Variants in DDR1 observed in about 807,000 individuals in gnomAD.
DDR1 encodes the protein epithelial discoidin domain-containing receptor 1.
Under a neutral mutation model 97.4 loss-of-function variants are expected in DDR1, and 64 were observed. The ratio of observed to expected loss-of-function variants is 0.66; its 90% confidence interval spans 0.54 to 0.81. The LOEUF (loss-of-function observed/expected upper bound fraction) is 0.81. DDR1 is among the 30% of genes least tolerant of loss of function. The pLI, the probability that DDR1 is intolerant of heterozygous loss-of-function variation, is 0.00. For synonymous variants in DDR1, 458 were observed against 503.7 expected (o/e 0.91, Z 1.21); for missense variants, 990 against 1,259.6 (o/e 0.79, Z 3.24).
chr6:30,883,516 G>A (rs1581986219), upstream of DDR1: 2 of 153,482 alleles, frequency 1.3e-5, no homozygotes, highest in East Asian at 3.8e-4. The surrounding 1 kb of genome is among the most constrained non-coding windows in gnomAD (Gnocchi z 4.9). Context: ...TTTTGACTGT[G>A]TGTGATTTTC....
In DDR1 at chr6:30,897,550, C is replaced by T. The variant is rs751655723; in HGVS notation, c.2169C>T (p.Ala723=). The T allele has an allele frequency of 9.7e-5, 157 of 1,613,652 alleles. No homozygotes were observed. Among genetic ancestry groups the T allele is most frequent in the Non-Finnish European group, 1.2e-4 (146 of 1,180,006 alleles). The change falls in exon 15 of 18, where the codon GCC becomes GCT. Residue 723 remains alanine, a synonymous_variant. Transcript: ENST00000376568. The surrounding 1 kb of genome is among the most constrained non-coding windows in gnomAD (Gnocchi z 5.2). ...LSAHQLEDKA[A]EGAPGDGQAA... ...CCCACCAGCTGGAGGACAAGGCAGC[C>T]GAGGGGGCCCCTGGGGACGGGCAGG...
chr6:30,888,881 C>T lies in DDR1; in HGVS notation c.86-27C>T, dbSNP rs1786880665. Reference sequence around the variant, plus strand: ...GGAGGTAGAGAGTTGGGGGCCTTGACCTGTTACATGCCTGCTTTTTACTCA... The same window carrying T: ...GGAGGTAGAGAGTTGGGGGCCTTGATCTGTTACATGCCTGCTTTTTACTCA... On this transcript the variant is annotated intron_variant, in intron 2 of 17. Coordinates refer to ENST00000376568, the MANE Select transcript of DDR1 (RefSeq NM_001297654.2). This position sits in a 1 kb window ranked among gnomAD's most constrained non-coding sequence, Gnocchi z 4.2. 1.9e-6 allele frequency: 3 copies of T among 1,612,788 alleles called. No homozygotes were observed. The highest frequency in any genetic ancestry group is 1.7e-5 in the Admixed American group (1 of 60,004).
Position 30,898,220 on chromosome 6 carries a change from C to T in DDR1, c.2364C>T (p.Ser788=), listed in dbSNP as rs1791659290. The T allele has an allele frequency of 3.7e-6, 6 of 1,614,228 alleles. No homozygotes were observed. The highest frequency in any genetic ancestry group is 5.1e-6 in the Non-Finnish European group (6 of 1,180,046). The change falls in exon 16 of 18, where the codon AGC becomes AGT. Residue 788 remains serine (S), a synonymous_variant. Coordinates refer to ENST00000376568, the MANE Select transcript of DDR1 (RefSeq NM_001297654.2). ...FTIKIADFGM[S]RNLYAGDYYR... ...TCAAAATCGCAGACTTTGGCATGAG[C>T]CGGAACCTCTATGCTGGGGACTATT...
In DDR1 at chr6:30,897,301, G is replaced by A. The variant is rs1791233363; in HGVS notation, c.1998-78G>A. ...GGGGACGCCTGGTCTGCCTGAGGTG[G>A]GGCAGGGGGGTGGGGGCGCGGGGGA... is the stretch of plus-strand genomic sequence containing the variant. On this transcript the variant is annotated intron_variant, in intron 14 of 17. Transcript: ENST00000376568. This position sits in a 1 kb window ranked among gnomAD's most constrained non-coding sequence, Gnocchi z 5.2. 1.4e-6 allele frequency: 2 copies of A among 1,469,492 alleles called. No individual in the cohort carries two copies. The highest frequency in any genetic ancestry group is 2.0e-5 in the Admixed American group (1 of 50,484). 91.0% of individuals were successfully genotyped at this position (1,469,492 alleles called of 1,614,324 possible).
chr6:30,890,821 C>A lies in DDR1; in HGVS notation c.418-152C>A. The A allele has an allele frequency of 1.4e-6, 1 of 691,646 alleles. No individual in the cohort carries two copies. The highest frequency in any genetic ancestry group is 2.2e-6 in the Non-Finnish European group (1 of 447,056). The allele number at this position is 691,646 out of a possible 1,614,324, so 42.8% of individuals were successfully genotyped here. A position where few individuals can be genotyped will look rare whatever the true frequency, so the allele number is the denominator to read the frequency against. ...GCTGCAGATCTTCATTTCACCCATG[C>A]CTGGCTGCGCCCCACAGTGCTGTGT... On this transcript the variant is annotated intron_variant, in intron 4 of 17. Transcript: ENST00000376568. The surrounding 1 kb of genome is among the most constrained non-coding windows in gnomAD (Gnocchi z 5.0).
upstream of DDR1, chr6:30,882,841 C>A: frequency 6.6e-6 from 1 of 152,550 alleles, no homozygotes. The surrounding 1 kb of genome is among the most constrained non-coding windows in gnomAD (Gnocchi z 4.8). Flanking sequence ...TTGGGGCTTT[C>A]CCAGAGCACA....
rs1790909674 is a variant in DDR1 at position 30,896,667 on chromosome 6, T to G, written c.1671T>G (p.Leu557=). 1 of 1,613,426 alleles carries G rather than the reference T, an allele frequency of 6.2e-7. No individual in the cohort carries two copies. The highest frequency in any genetic ancestry group is 8.5e-7 in the Non-Finnish European group (1 of 1,179,736). The change falls in exon 13 of 18, where the codon CTT becomes CTG. Residue 557 remains leucine (L), a synonymous_variant. Coordinates refer to ENST00000376568, the MANE Select transcript of DDR1 (RefSeq NM_001297654.2). ...AGCCTGAGAAGCCAGGCGCCCCGCTTCTGCCCCCACCTCCCCAGAACAGCG... is the reference window on the plus strand; with the variant it reads ...AGCCTGAGAAGCCAGGCGCCCCGCTGCTGCCCCCACCTCCCCAGAACAGCG... ...YMEPEKPGAP[L]LPPPPQNSVP... is the part of the protein sequence containing the mutation.
At chr6:30,885,758 T>C (rs1177391994) in intron 1 of DDR1, 2 of 1,293,020 alleles carry the variant, frequency 1.5e-6, no homozygotes, top group Admixed American at 4.6e-5. Flanking sequence ...TCAGGGACAC[T>C]GAGAGGTGGG....
chr6:30,887,301 A>G (rs1562369135), intron 1 of DDR1, among the ~76,000 whole-genome samples: 1 of 152,234 alleles, frequency 6.6e-6, no homozygotes, highest in Non-Finnish European at 1.5e-5. Flanking sequence ...TGATTTTCAT[A>G]TTCTTTTACA....
rs1309906287 is a variant in DDR1, at chr6:30,893,118, CCCTGGTGGCCG to C, written c.1156_1166del (p.Trp386ProfsTer62). The stretch of plus-strand genomic sequence containing the variant: ...ACTGGGAGGCACCTTCCCGCCAGCC[CCCTGGTGGCCG>C]CCTGGCCCACCTCCCACCAACTTCA... On this transcript the variant is annotated frameshift_variant, in exon 9 of 18. Coordinates refer to ENST00000376568, the MANE Select transcript of DDR1 (RefSeq NM_001297654.2). LOFTEE classifies it high-confidence loss of function. 1 of 1,611,444 alleles carries C rather than the reference CCCTGGTGGCCG, an allele frequency of 6.2e-7. No homozygotes were observed. Among genetic ancestry groups the C allele is most frequent in the African/African-American group, 1.3e-5 (1 of 74,928 alleles).
chr6:30,882,569 C>G (rs1662263280), upstream of DDR1: 1 of 152,282 alleles, frequency 6.6e-6, no homozygotes, highest in African/African-American at 2.4e-5. The surrounding 1 kb of genome is among the most constrained non-coding windows in gnomAD (Gnocchi z 4.8). Context: ...TCCGTTGTCA[C>G]TTGACTCCAC....
intron 11 of DDR1, 42 bp from the exon 12 acceptor site, chr6:30,895,362 C>G: frequency 6.7e-7 from 1 of 1,498,280 alleles, no homozygotes; most frequent in Non-Finnish European, 9.2e-7. Flanking sequence ...AGCCTTGAGT[C>G]TCATCCCTTC....
In DDR1 at chr6:30,899,959, A is replaced by G; in HGVS notation, c.*663A>G. 1.8e-6 allele frequency: 1 copy of G among 563,360 alleles called. No homozygotes were observed. The highest frequency in any genetic ancestry group is 1.5e-5 in the South Asian group (1 of 67,800). The allele number at this position is 563,360 out of a possible 1,614,324, so 34.9% of individuals were successfully genotyped here. A position where few individuals can be genotyped will look rare whatever the true frequency, so the allele number is the denominator to read the frequency against. ...GGAGTAAATATTGGGATTGGGGGGA[A>G]AGAGGGAGCAACGGCCCATAGCCTT... On this transcript the variant is annotated 3_prime_UTR_variant, in exon 18 of 18. Transcript: ENST00000376568.
intron 9 of DDR1, 35 bp downstream of exon 9, chr6:30,893,198 C>T (rs778348398): frequency 1.3e-6 from 2 of 1,598,036 alleles, no homozygotes; most frequent in South Asian, 2.2e-5. Context: ...GGACCCTCTG[C>T]ACCCTTCTCC....
rs908626613 is a variant in DDR1, at chr6:30,889,250, G to A, written c.237G>A (p.Val79=). ...GDGAWCPAGS[V]FPKEEEYLQV... Reference sequence around the variant, plus strand: ...GGGCCTGGTGCCCCGCAGGGTCGGTGTTTCCCAAGGAGGAGGAGTACTTGC... The same window carrying A: ...GGGCCTGGTGCCCCGCAGGGTCGGTATTTCCCAAGGAGGAGGAGTACTTGC... Residue 79 remains valine (V), a synonymous_variant, in exon 4 of 18, where the codon GTG becomes GTA. Transcript: ENST00000376568. This position sits in a 1 kb window ranked among gnomAD's most constrained non-coding sequence, Gnocchi z 4.9. The A allele has an allele frequency of 1.2e-6, 2 of 1,613,090 alleles. No individual in the cohort carries two copies. The highest frequency in any genetic ancestry group is 1.7e-5 in the Admixed American group (1 of 60,032).
In DDR1 at chr6:30,897,589, C is replaced by T; in HGVS notation, c.2208C>T (p.Pro736=). 6.2e-7 allele frequency: 1 copy of T among 1,610,364 alleles called. No homozygotes were observed. Among genetic ancestry groups the T allele is most frequent in the Non-Finnish European group, 8.5e-7 (1 of 1,179,400 alleles). The stretch of plus-strand genomic sequence containing the variant: ...GGGACGGGCAGGCTGCGCAGGGGCC[C>T]ACCATCAGGTACCTGCTTACCCAGG... ...APGDGQAAQG[P]TISYPMLLHV... Residue 736 remains proline (P), a synonymous_variant, in exon 15 of 18, where the codon CCC becomes CCT. Coordinates refer to ENST00000376568, the MANE Select transcript of DDR1 (RefSeq NM_001297654.2). This position sits in a 1 kb window ranked among gnomAD's most constrained non-coding sequence, Gnocchi z 5.2.
rs1554256336 is a variant in DDR1 at position 30,891,528 on chromosome 6, T to TCTGTGTGTGTGTGTGTGTG, written c.665+49_665+50insCTGTGTGTGTGTGTGTGTG. On this transcript the variant is annotated intron_variant, in intron 6 of 17. Transcript: ENST00000376568. The surrounding 1 kb of genome is among the most constrained non-coding windows in gnomAD (Gnocchi z 5.3). ...TGGAGTTTGGGGTGGGAGGGAGGAC[T>TCTGTGTGTGTGTGTGTGTG]GTGTGTGTGTGTGTGTGTGTGTGTG... 34 of 489,854 alleles carry TCTGTGTGTGTGTGTGTGTG rather than the reference T, an allele frequency of 6.9e-5. No homozygotes were observed. The African/African-American group carries it at 1.0e-3, about 15-fold the overall frequency. The allele number at this position is 489,854 out of a possible 1,614,324, so 30.3% of individuals were successfully genotyped here.
chr6:30,899,130 C>G (rs147003404), intron 17 of DDR1, 26 bp from the exon 18 acceptor site: 1 of 1,614,190 alleles, frequency 6.2e-7, no homozygotes, highest in East Asian at 2.2e-5. Context: ...TGTTCCCTGA[C>G]TCTCATCCAC....
At position 30,889,554 on chromosome 6, in the gene DDR1, T is replaced by C. The variant is rs1406272496; in HGVS notation, c.417+124T>C. 4 of 691,204 alleles carry C rather than the reference T, an allele frequency of 5.8e-6. No individual in the cohort carries two copies. Among genetic ancestry groups the C allele is most frequent in the African/African-American group, 5.5e-5 (3 of 54,470 alleles). The allele number at this position is 691,204 out of a possible 1,614,324, so 42.8% of individuals were successfully genotyped here. On this transcript the variant is annotated intron_variant, in intron 4 of 17. Coordinates refer to ENST00000376568, the MANE Select transcript of DDR1 (RefSeq NM_001297654.2). The surrounding 1 kb of genome is among the most constrained non-coding windows in gnomAD (Gnocchi z 4.9). ...TCATCTCCAGACTAAGCCTCTCAGCTGAGCTCCAAACAATATTGTAAACCT... is the reference window on the plus strand; with the variant it reads ...TCATCTCCAGACTAAGCCTCTCAGCCGAGCTCCAAACAATATTGTAAACCT...
Sources: gnomAD v4.1 joint callset for allele counts (sites outside exome capture counted in the v4.1 genomes callset) on GRCh38, gnomAD v4.1.1 for gene constraint, Gnocchi (gnomAD v3.1) non-coding constraint, MANE v1.5 for transcripts, NCBI Gene and HGNC (gene_info 2026-07-23, HGNC 2026-07-21) for gene names.